The following TEX35 variants were observed in gnomAD, a reference collection of about 807,000 sequenced individuals.
TEX35 encodes testis expressed 35.
Under a neutral mutation model 31.9 loss-of-function variants are expected in TEX35, and 26 were observed. The observed-to-expected ratio is 0.81, with a 90% CI of 0.60 to 1.13. The LOEUF is 1.13. Among genes scored for constraint, TEX35 ranks in the 50% most tolerant of loss-of-function variants. The probability of loss-of-function intolerance (pLI) is 0.00; values close to 1 mark genes in which losing one functional copy is unlikely to be tolerated. For missense variants in TEX35, 278 were observed against 273.5 expected, an observed-to-expected ratio of 1.02 and a Z score of -0.12; for synonymous variants, 87 against 90.7, an observed-to-expected ratio of 0.96 and a Z score of 0.23.
intron 3 of TEX35, among the ~76,000 whole-genome samples, chr1:178,515,237 A>T (rs1650032279): frequency 6.6e-6 from 1 of 152,168 alleles, no homozygotes; most frequent in Admixed American, 6.5e-5. Context: ...CCTCCCGAGT[A>T]TCTGGGACTA....
chr1:178,516,887 A>T (rs1650098351), intron 5 of TEX35, among the ~76,000 whole-genome samples: 1 of 152,244 alleles, frequency 6.6e-6, no homozygotes, highest in South Asian at 2.1e-4. Context: ...TAAGCAGCGA[A>T]GTCCTTACAG....
rs1649945373 is a variant in TEX35 at position 178,513,371 on chromosome 1, G to A, written c.39+144G>A. On this transcript the variant is annotated intron_variant, in intron 1 of 8. Transcript: ENST00000319416. ...GTACTGAGCATAAAGCAGCCTCTCA[G>A]TCTGGAAGGGGTGTGGGATTAATCC... The A allele has an allele frequency of 3.7e-6, 4 of 1,088,164 alleles. 1 individual carries two copies. The highest frequency in any genetic ancestry group is 5.5e-6 in the Non-Finnish European group (4 of 733,938). The allele number at this position is 1,088,164 out of a possible 1,614,324, so 67.4% of individuals were successfully genotyped here. A position where few individuals can be genotyped will look rare whatever the true frequency, so the allele number is the denominator to read the frequency against.
Position 178,521,688 on chromosome 1 carries a change from A to G in TEX35, c.586+424A>G, listed in dbSNP as rs1381822918. The G allele has an allele frequency of 1.9e-6, 3 of 1,551,866 alleles. No homozygotes were observed. The African/African-American group carries it at 4.1e-5, about 21-fold the overall frequency. The stretch of plus-strand genomic sequence containing the variant: ...CCAACCTAGCGCAGCTGCAGAACCT[A>G]CCAGCAGTTCCGATTCATCACCTCC... On this transcript the variant is annotated intron_variant, in intron 8 of 8. Transcript: ENST00000319416.
chr1:178,518,810 G>A lies in TEX35; in HGVS notation c.277-1562G>A, dbSNP rs992376425. 3.3e-5 allele frequency among the ~76,000 whole-genome samples: 5 copies of A among 152,282 alleles called. No homozygotes were observed. In the East Asian group the frequency reaches 7.7e-4, roughly 24 times the overall value. ...AGTGTTTTGTTGGTGGGGAGGCTGG[G>A]TATGGAAAGGCACAAAGGAGGCGAT... is the stretch of plus-strand genomic sequence containing the variant. On this transcript the variant is annotated intron_variant, in intron 5 of 8. Transcript: ENST00000319416.
At chr1:178,523,170 G>A (rs187072409), downstream of TEX35, 207 of 604,718 alleles carry the variant, frequency 3.4e-4, no homozygotes, top group African/African-American at 2.8e-3. Context: ...AATTGTGTGT[G>A]TGTACGATAT....
chr1:178,520,918 T>C, intron 7 of TEX35, 44 bp downstream of exon 7: 2 of 1,608,414 alleles, frequency 1.2e-6, no homozygotes, highest in Non-Finnish European at 1.7e-6. Context: ...GCCAGACCCC[T>C]GGCTCCGGCT....
In TEX35 at chr1:178,515,914, AGGT is replaced by A; in HGVS notation, c.216_216+2del. On this transcript the variant is annotated splice_donor_variant and coding_sequence_variant, in exon 4 of 9. Transcript: ENST00000319416. LOFTEE classifies it high-confidence loss of function. Reference sequence around the variant, plus strand: ...AAGGAGAAAATGGAGGAGATAAAACAGGTAAGAAGATGAGGCCTTCCATATCAT... The same window carrying A: ...AAGGAGAAAATGGAGGAGATAAAACAAAGAAGATGAGGCCTTCCATATCAT... 1 of 1,611,382 alleles carries A rather than the reference AGGT, an allele frequency of 6.2e-7. No homozygotes were observed. Among genetic ancestry groups the A allele is most frequent in the South Asian group, 1.1e-5 (1 of 90,796 alleles).
In TEX35 at chr1:178,514,760, G is replaced by C. The variant is rs752447514; in HGVS notation, c.151G>C (p.Asp51His). ...GRFTKAGVTQ[D>H]LKNELREVRE... ...GTTTACCAAAGCAGGAGTGACACAG[G>C]ACCTAAAGGTGAGTGCGTGAACTTG... is the stretch of plus-strand genomic sequence containing the variant. The change falls in exon 3 of 9, where the codon GAC (aspartate) becomes CAC (histidine). Residue 51 changes from aspartate (D) to histidine (H), a missense_variant. Coordinates refer to ENST00000319416, the MANE Select transcript of TEX35 (RefSeq NM_032126.5). The C allele has an allele frequency of 6.2e-7, 1 of 1,613,708 alleles. No homozygotes were observed. The highest frequency in any genetic ancestry group is 1.7e-5 in the Admixed American group (1 of 59,972).
In TEX35 at chr1:178,515,980, A is replaced by G. The variant is rs1445925883; in HGVS notation, c.216+65A>G. 2.4e-6 allele frequency: 3 copies of G among 1,266,010 alleles called. No homozygotes were observed. The African/African-American group carries it at 4.4e-5, about 19-fold the overall frequency. 78.4% of individuals were successfully genotyped at this position (1,266,010 alleles called of 1,614,324 possible). ...TAGCTTCAGGAAAAATGCAATCCTT[A>G]AGTTTGAATAGTGAAGGAAAGCAGG... On this transcript the variant is annotated intron_variant, in intron 4 of 8. Coordinates refer to ENST00000319416, the MANE Select transcript of TEX35 (RefSeq NM_032126.5).
At chr1:178,522,184 C>A in intron 8 of TEX35, 141 bp from the exon 9 acceptor site, 5 of 1,194,794 alleles carry the variant, frequency 4.2e-6, no homozygotes, top group Non-Finnish European at 5.7e-6. Flanking sequence ...GTTCTGCCTG[C>A]ACCACACCCC....
At chr1:178,515,654 G>A (rs887784795) in intron 3 of TEX35, among the ~76,000 whole-genome samples, 33 of 152,016 alleles carry the variant, frequency 2.2e-4, no homozygotes, top group African/African-American at 5.3e-4. Flanking sequence ...TGATCCTCCC[G>A]CCTTGGCCTC....
downstream of TEX35, chr1:178,523,357 T>C: frequency 1.5e-6 from 1 of 683,346 alleles, no homozygotes; most frequent in Non-Finnish European, 2.7e-6. Flanking sequence ...TTTAGTTTTT[T>C]GAGGAACAAC....
At chr1:178,521,717 C>T (rs1274031727) in intron 8 of TEX35, 5 of 1,551,758 alleles carry the variant, frequency 3.2e-6, no homozygotes, top group Non-Finnish European at 4.4e-6. Context: ...CACCTCCAAG[C>T]TCCTTAAGAT....
chr1:178,521,233 G>A lies in TEX35; in HGVS notation c.555G>A (p.Leu185=). The change falls in exon 8 of 9, where the codon TTG becomes TTA. Residue 185 remains leucine (L), a synonymous_variant. Transcript: ENST00000319416. ...TCTGTCCTCTGCAGGAGAAATGTTT[G>A]TTGTGTGCTCTAAAGAACAACTACA... ...HHCGTCCEKC[L]LCALKNNYNR... 1 of 1,614,218 alleles carries A rather than the reference G, an allele frequency of 6.2e-7. No homozygotes were observed. The highest frequency in any genetic ancestry group is 8.5e-7 in the Non-Finnish European group (1 of 1,180,038).
chr1:178,520,762 AT>A lies in TEX35; in HGVS notation c.432del (p.Asp144GlufsTer46), dbSNP rs1232592958. On this transcript the variant is annotated frameshift_variant, in exon 7 of 9. Transcript: ENST00000319416. LOFTEE classifies it high-confidence loss of function. ...REPQLRPKKM[D>X]GASGVNGAPC... ...CCACAGCTCAGGCCCAAGAAAATGG[AT>A]GGAGCCAGTGGAGTCAATGGAGCAC... is the stretch of plus-strand genomic sequence containing the variant. 3.1e-6 allele frequency: 5 copies of A among 1,614,138 alleles called. No homozygotes were observed. Among genetic ancestry groups the A allele is most frequent in the Non-Finnish European group, 3.4e-6 (4 of 1,180,034 alleles).
In TEX35 at chr1:178,522,565, T is replaced by A. The variant is rs1261398077; in HGVS notation, c.*125T>A. 1 of 1,340,802 alleles carries A rather than the reference T, an allele frequency of 7.5e-7. No individual in the cohort carries two copies. Among genetic ancestry groups the A allele is most frequent in the Non-Finnish European group, 9.6e-7 (1 of 1,041,238 alleles). 83.1% of individuals were successfully genotyped at this position (1,340,802 alleles called of 1,614,324 possible). On this transcript the variant is annotated 3_prime_UTR_variant, in exon 9 of 9. Coordinates refer to ENST00000319416, the MANE Select transcript of TEX35 (RefSeq NM_032126.5). ...AAGGACGAGGAATGATGGGATTTCA[T>A]ATTTTATTTCACACCAGTTCCTCCT...
At chr1:178,513,584 A>G (rs1043565111) in intron 1 of TEX35, among the ~76,000 whole-genome samples, 1 of 152,256 alleles carries the variant, frequency 6.6e-6, no homozygotes, top group Non-Finnish European at 1.5e-5. Context: ...TATAATCATC[A>G]CGTCGATTTT....
At position 178,520,447 on chromosome 1, in the gene TEX35, C is replaced by G. The variant is rs1461886816; in HGVS notation, c.341+11C>G. 6.2e-7 allele frequency: 1 copy of G among 1,614,074 alleles called. No homozygotes were observed. The highest frequency in any genetic ancestry group is 1.7e-5 in the Admixed American group (1 of 60,012). On this transcript the variant is annotated intron_variant, in intron 6 of 8. Coordinates refer to ENST00000319416, the MANE Select transcript of TEX35 (RefSeq NM_032126.5). ...GAAGAACTATAAGCTGTAAGTGTAA[C>G]CTGCACTCGTCTCTCCTCATCCCTA...
chr1:178,521,550 C>G, intron 8 of TEX35: 1 of 1,411,404 alleles, frequency 7.1e-7, no homozygotes, highest in South Asian at 1.2e-5. Context: ...CCCTTTCTCC[C>G]CATCCAGTGG....
Sources: gnomAD v4.1 joint callset for allele counts (sites outside exome capture counted in the v4.1 genomes callset) on GRCh38, gnomAD v4.1.1 for gene constraint, MANE v1.5 for transcripts, NCBI Gene and HGNC (gene_info 2026-07-23, HGNC 2026-07-21) for gene names.